Variants in ABCA13 observed in about 807,000 individuals in gnomAD.
ABCA13 encodes ATP binding cassette subfamily A member 13, also known as ATP-binding cassette sub-family A member 13.
ABCA13 carries 476 observed loss-of-function variants against 478.7 expected under a neutral mutation model. The ratio of observed to expected loss-of-function variants is 0.99; its 90% CI spans 0.92 to 1.07. The LOEUF (loss-of-function observed/expected upper bound fraction) is 1.07. Ranked by LOEUF, ABCA13 falls within the 50% of genes least tolerant of loss-of-function variation. The pLI is 0.00. For missense variants in ABCA13, 6,060 were observed against 5,910.6 expected (o/e 1.03, Z -0.83); for synonymous variants, 2,252 against 2,158.9 (o/e 1.04, Z -1.20).
intron 55 of ABCA13, among the ~76,000 whole-genome samples, chr7:48,561,598 A>G (rs1349491763): frequency 6.6e-6 from 1 of 152,130 alleles, no homozygotes; most frequent in Non-Finnish European, 1.5e-5. Context: ...TCTTTCTGAG[A>G]AAGTTTGTTT....
chr7:48,520,338 A>G, intron 53 of ABCA13, 44 bp downstream of exon 53: 2 of 1,532,864 alleles, frequency 1.3e-6, no homozygotes, highest in Non-Finnish European at 8.8e-7. Flanking sequence ...TTACTCCTGC[A>G]AAATGAGAGG....
Position 48,354,154 on chromosome 7 carries a change from AT to A in ABCA13, c.10688+1671del, listed in dbSNP as rs1418734332. ...GAGAAGCCGAAGTTTTATTATGCTC[AT>A]TTTCTAAAGGCAAACCTGAAATCTA... On this transcript the variant is annotated intron_variant, in intron 31 of 61. Coordinates refer to ENST00000435803, the MANE Select transcript of ABCA13 (RefSeq NM_152701.5). 2.6e-5 allele frequency among the ~76,000 whole-genome samples: 4 copies of A among 151,894 alleles called. 1 individual carries two copies. Among genetic ancestry groups the A allele is most frequent in the African/African-American group, 9.7e-5 (4 of 41,206 alleles).
At chr7:48,441,480 C>T (rs1433329499) in intron 42 of ABCA13, among the ~76,000 whole-genome samples, 1 of 152,104 alleles carries the variant, frequency 6.6e-6, no homozygotes, top group Non-Finnish European at 1.5e-5. Flanking sequence ...ATAACTCACT[C>T]CTTGCTTTTC....
chr7:48,345,799 G>A (rs1196336588), intron 29 of ABCA13, among the ~76,000 whole-genome samples: 1 of 152,102 alleles, frequency 6.6e-6, no homozygotes, highest in South Asian at 2.1e-4. Context: ...TAAAGTGTAC[G>A]GTAATGTCCT....
At chr7:48,515,568 G>T (rs1832042972) in intron 51 of ABCA13, among the ~76,000 whole-genome samples, 3 of 152,140 alleles carry the variant, frequency 2.0e-5, no homozygotes, top group Admixed American at 6.6e-5. Context: ...GGGCCACATG[G>T]AAATGAATCC....
At chr7:48,525,735 TA>T (rs1392963808) in intron 54 of ABCA13, among the ~76,000 whole-genome samples, 1 of 143,992 alleles carries the variant, frequency 6.9e-6, no homozygotes, top group South Asian at 2.2e-4. Flanking sequence ...TTTTTATTGT[TA>T]AAAATTTTAT....
At chr7:48,220,504 A>G (rs970996000) in intron 4 of ABCA13, among the ~76,000 whole-genome samples, 1 of 152,182 alleles carries the variant, frequency 6.6e-6, no homozygotes, top group Non-Finnish European at 1.5e-5. Context: ...ATACAAAACC[A>G]CGAAATAAAG....
intron 3 of ABCA13, among the ~76,000 whole-genome samples, chr7:48,213,941 A>G (rs1436300785): frequency 6.6e-6 from 1 of 152,176 alleles, no homozygotes; most frequent in Non-Finnish European, 1.5e-5. Context: ...TGCTATTTCC[A>G]TCACATCTGC....
chr7:48,441,161 G>C (rs558677639), intron 42 of ABCA13, among the ~76,000 whole-genome samples: 2 of 152,242 alleles, frequency 1.3e-5, no homozygotes, highest in South Asian at 4.1e-4. Context: ...CCTAAGTCCA[G>C]TTTATGTTAC....
rs758122832 is a variant in ABCA13, at chr7:48,545,745, T to C, written c.14354+17400T>C. On this transcript the variant is annotated intron_variant, in intron 55 of 61. Transcript: ENST00000435803. ...AGAAGTACCATGATATGAGAGAGAA[T>C]AGATTTGAAAAAAAAAGTACTAAGA... Among the ~76,000 whole-genome samples the C allele has an allele frequency of 4.1e-5, 6 of 144,674 alleles. 1 individual carries two copies. The highest frequency in any genetic ancestry group is 3.0e-5 in the Non-Finnish European group (2 of 66,484). 94.9% of individuals were successfully genotyped at this position (144,674 alleles called of 152,430 possible).
intron 8 of ABCA13, among the ~76,000 whole-genome samples, chr7:48,234,551 T>G (rs1187058287): frequency 6.6e-6 from 1 of 152,120 alleles, no homozygotes; most frequent in Non-Finnish European, 1.5e-5. Context: ...AGAGATAGTT[T>G]TCATTAGAAG....
At chr7:48,637,294 G>C (rs1184265799) in intron 59 of ABCA13, among the ~76,000 whole-genome samples, 4 of 145,822 alleles carry the variant, frequency 2.7e-5, no homozygotes, top group Non-Finnish European at 5.9e-5. Context: ...AGTACTGTAA[G>C]CTTCTCTATG....
intron 15 of ABCA13, among the ~76,000 whole-genome samples, chr7:48,252,650 A>G (rs148685452): frequency 6.6e-6 from 1 of 152,234 alleles, no homozygotes; most frequent in Non-Finnish European, 1.5e-5. Flanking sequence ...TATGACTGTA[A>G]TCTCTCTCTC....
At position 48,241,369 on chromosome 7, in the gene ABCA13, T is replaced by A. The variant is rs569896495; in HGVS notation, c.1262+303T>A. 5.3e-5 allele frequency among the ~76,000 whole-genome samples: 8 copies of A among 152,340 alleles called. No individual in the cohort carries two copies. In the South Asian group the frequency reaches 1.7e-3, roughly 32 times the overall value. ...GGCATTTGTTTAAAAATGAATAAAT[T>A]CATTTCGGAGGCATTTTTATGTACA... is the stretch of plus-strand genomic sequence containing the variant. On this transcript the variant is annotated intron_variant, in intron 10 of 61. Coordinates refer to ENST00000435803, the MANE Select transcript of ABCA13 (RefSeq NM_152701.5).
chr7:48,275,371 A>G lies in ABCA13; in HGVS notation c.5705A>G (p.Glu1902Gly). 6.2e-7 allele frequency: 1 copy of G among 1,613,978 alleles called. No individual in the cohort carries two copies. The highest frequency in any genetic ancestry group is 1.1e-5 in the South Asian group (1 of 91,088). Residue 1902 changes from glutamate to glycine, a missense_variant, in exon 17 of 62, where the codon GAG becomes GGG. Coordinates refer to ENST00000435803, the MANE Select transcript of ABCA13 (RefSeq NM_152701.5). The part of the protein sequence containing the change: ...ELVDWNSILL[E>G]LSEVFHVNIS... ...GTGGACTGGAATTCTATTCTTCTGG[A>G]GCTCTCTGAAGTCTTCCATGTTAAC...
chr7:48,423,718 A>G (rs903509026), intron 41 of ABCA13, among the ~76,000 whole-genome samples: 1 of 152,230 alleles, frequency 6.6e-6, no homozygotes, highest in Non-Finnish European at 1.5e-5. Flanking sequence ...CACCATAGGC[A>G]TTGCTTTTAA....
chr7:48,280,257 G>T (rs953118708), intron 18 of ABCA13, among the ~76,000 whole-genome samples: 8 of 152,090 alleles, frequency 5.3e-5, no homozygotes, highest in Non-Finnish European at 7.4e-5. Context: ...GGCAGCCAAG[G>T]GTCCTATGAC....
chr7:48,528,285 A>C lies in ABCA13; in HGVS notation c.14294A>C (p.Lys4765Thr). 2 of 1,580,164 alleles carry C rather than the reference A, an allele frequency of 1.3e-6. No homozygotes were observed. The highest frequency in any genetic ancestry group is 4.6e-5 in the East Asian group (2 of 43,566). The change falls in exon 55 of 62, where the codon AAA becomes ACA. Residue 4765 changes from lysine to threonine, a missense_variant. By Grantham distance (78) the Lys-to-Thr change is moderately conservative. Around this residue, in one of 3 missense-constraint regions of ABCA13, gnomAD observed 1,627 missense variants for 1,571.0 expected, o/e 1.04. Coordinates refer to ENST00000435803, the MANE Select transcript of ABCA13 (RefSeq NM_152701.5). ...GGAGCTGGGAAGAGCACGACTTTCA[A>C]AATGCTGAATGGTGAAGTTTCTCTA... ...VNGAGKSTTF[K>T]MLNGEVSLTS...
rs375389053 is a variant in ABCA13, at chr7:48,272,971, C to T, written c.3305C>T (p.Ser1102Leu). ...EDLLDNKCLI[S>L]DNKHISSVNY... ...CTATTGGATAATAAATGCTTGATTT[C>T]GGACAATAAACACATTTCTTCCGTA... The change falls in exon 17 of 62, where the codon TCG (serine) becomes TTG (leucine). Residue 1102 changes from serine (S) to leucine (L), a missense_variant. Around this residue, in one of 3 missense-constraint regions of ABCA13, gnomAD observed 4,423 missense variants for 4,309.1 expected, o/e 1.03. Coordinates refer to ENST00000435803, the MANE Select transcript of ABCA13 (RefSeq NM_152701.5). 42 of 1,613,232 alleles carry T rather than the reference C, an allele frequency of 2.6e-5. No homozygotes were observed. Among genetic ancestry groups the T allele is most frequent in the Middle Eastern group, 1.6e-4 (1 of 6,080 alleles).
Sources: allele counts gnomAD v4.1 joint callset (sites outside exome capture counted in the v4.1 genomes callset), GRCh38; gene constraint gnomAD v4.1.1; regional missense constraint gnomAD v4.1.1; transcripts MANE v1.5; gene names NCBI Gene and HGNC (gene_info 2026-07-23, HGNC 2026-07-21).